The following CHIC1 variants were observed in gnomAD, a reference collection of about 807,000 sequenced individuals.
The protein encoded by CHIC1 is cysteine-rich hydrophobic domain-containing protein 1.
In CHIC1, 7 loss-of-function variants were observed where a neutral mutation model predicts 18.5. That is an observed-to-expected ratio of 0.38 (90% CI 0.22 to 0.71). CHIC1 has a LOEUF of 0.71. Ranked by LOEUF, CHIC1 falls within the 30% of genes least tolerant of loss-of-function variation. CHIC1 has a pLI of 0.49. For missense variants in CHIC1, 159 were observed against 176.9 expected (o/e 0.90, Z 0.57); for synonymous variants, 77 against 73.5 (o/e 1.05, Z -0.25).
At chrX:73,583,836 G>GA (rs2057539187) in intron 2 of CHIC1, among the ~76,000 whole-genome samples, 1 of 111,253 alleles carries the variant, frequency 9.0e-6, no homozygotes, top group African/African-American at 3.3e-5. Context: ...ATTTTATACT[G>GA]AATATTAACA....
At chrX:73,571,029 C>G (rs1439663495) in intron 1 of CHIC1, among the ~76,000 whole-genome samples, 3 of 110,770 alleles carry the variant, frequency 2.7e-5, no homozygotes, top group Non-Finnish European at 5.7e-5. Flanking sequence ...TTCAAAATTT[C>G]TTAAGAAAGG....
chrX:73,679,571 G>A, intron 4 of CHIC1, 83 bp from the exon 5 acceptor site: 2 of 666,273 alleles, frequency 3.0e-6, no homozygotes, highest in Non-Finnish European at 4.4e-6. Flanking sequence ...TTCCTGGATT[G>A]TTTTCAGTGA....
At chrX:73,638,265 T>TCC (rs2057839653) in intron 3 of CHIC1, among the ~76,000 whole-genome samples, 1 of 111,767 alleles carries the variant, frequency 8.9e-6, no homozygotes, top group Non-Finnish European at 1.9e-5. Flanking sequence ...CTCTGCAGTG[T>TCC]TTATCAGGAG....
chrX:73,628,973 A>G (rs1266155026), intron 3 of CHIC1, among the ~76,000 whole-genome samples: 1 of 110,519 alleles, frequency 9.0e-6, no homozygotes, highest in African/African-American at 3.3e-5. Context: ...TCTTTACTAT[A>G]TTTCCTTGCC....
intron 3 of CHIC1, among the ~76,000 whole-genome samples, chrX:73,672,485 A>C (rs763664311): frequency 1.3e-4 from 15 of 112,165 alleles, no homozygotes; most frequent in Non-Finnish European, 2.4e-4. Context: ...ATAGCATCTC[A>C]TTGTGGTTTT....
intron 3 of CHIC1, among the ~76,000 whole-genome samples, chrX:73,671,850 A>C (rs1275211806): frequency 2.7e-5 from 3 of 109,124 alleles, no homozygotes; most frequent in Admixed American, 9.9e-5. Flanking sequence ...TACATGTGCC[A>C]TGTTGGTGTG....
chrX:73,671,885 C>T (rs1424325611), intron 3 of CHIC1, among the ~76,000 whole-genome samples: 1 of 109,994 alleles, frequency 9.1e-6, no homozygotes, highest in Non-Finnish European at 1.9e-5. Flanking sequence ...TCATCATTTA[C>T]CTTTAGGTAT....
intron 5 of CHIC1, 74 bp downstream of exon 5, chrX:73,679,787 C>T: frequency 7.5e-6 from 4 of 536,847 alleles, no homozygotes; most frequent in South Asian, 7.2e-5. Flanking sequence ...TATCATTTGT[C>T]AACTATTCCT....
At chrX:73,666,572 T>A (rs530635109) in intron 3 of CHIC1, among the ~76,000 whole-genome samples, 2 of 112,172 alleles carry the variant, frequency 1.8e-5, no homozygotes, top group South Asian at 7.4e-4. Context: ...AATGTTAACC[T>A]CTTTTGGCAA....
rs1422585566 is a variant in CHIC1 at position 73,684,268 on chromosome X, A to AT, written c.*3265dup. The AT allele has an allele frequency of 9.0e-6, 1 of 111,104 alleles. No homozygotes were observed. The highest frequency in any genetic ancestry group is 1.9e-5 in the Non-Finnish European group (1 of 52,726). The allele number at this position is 111,104 out of a possible 1,213,427, so 9.2% of individuals were successfully genotyped here. A position where few individuals can be genotyped will look rare whatever the true frequency, so the allele number is the denominator to read the frequency against. ...AGTTCTGGAAGGACAGTTGTCTTTG[A>AT]TTAAAGCCCCACCAAAACCCATTTA... On this transcript the variant is annotated 3_prime_UTR_variant, in exon 6 of 6. Coordinates refer to ENST00000373502, the MANE Select transcript of CHIC1 (RefSeq NM_001039840.4).
chrX:73,564,849 T>C lies in CHIC1; in HGVS notation c.296+1269T>C, dbSNP rs767637347. On this transcript the variant is annotated intron_variant, in intron 1 of 5. Coordinates refer to ENST00000373502, the MANE Select transcript of CHIC1 (RefSeq NM_001039840.4). ...TCTCACTCTTTTGCCCAGGCTGGAG[T>C]GCAGTGGCGCAATCTTGGCTCACTG... is the stretch of plus-strand genomic sequence containing the variant. 2.0e-3 allele frequency among the ~76,000 whole-genome samples: 189 copies of C among 94,762 alleles called. 2 individuals carry two copies. Among genetic ancestry groups the C allele is most frequent in the Non-Finnish European group, 3.5e-3 (171 of 49,280 alleles). 82.3% of individuals were successfully genotyped at this position (94,762 alleles called of 115,157 possible). A position where few individuals can be genotyped will look rare whatever the true frequency, so the allele number is the denominator to read the frequency against.
intron 3 of CHIC1, among the ~76,000 whole-genome samples, chrX:73,607,822 C>T (rs2057690144): frequency 1.9e-5 from 2 of 107,965 alleles, no homozygotes; most frequent in Admixed American, 1.9e-4. Context: ...GCTGCACCCA[C>T]TGTCTAACCA....
intron 1 of CHIC1, among the ~76,000 whole-genome samples, chrX:73,571,534 C>T (rs1490521698): frequency 1.8e-5 from 2 of 111,149 alleles, no homozygotes; most frequent in Non-Finnish European, 3.8e-5. Context: ...ATATCAATTT[C>T]TCAAGAAGCA....
At chrX:73,646,867 T>C (rs1230780314) in intron 3 of CHIC1, among the ~76,000 whole-genome samples, 2 of 110,115 alleles carry the variant, frequency 1.8e-5, no homozygotes, top group South Asian at 3.6e-4. Flanking sequence ...CCATAAAATC[T>C]TTGACCCAGA....
intron 3 of CHIC1, among the ~76,000 whole-genome samples, chrX:73,674,603 A>G (rs1327300092): frequency 2.7e-5 from 3 of 110,406 alleles, no homozygotes; most frequent in African/African-American, 6.6e-5. Flanking sequence ...TTTTTATTGC[A>G]TCTGTTTGAT....
At chrX:73,576,267 C>A (rs59732497) in intron 1 of CHIC1, among the ~76,000 whole-genome samples, 2 of 110,135 alleles carry the variant, frequency 1.8e-5, no homozygotes, top group Admixed American at 1.9e-4. Context: ...AAGCCAGTAA[C>A]GGTCATTTGT....
intron 3 of CHIC1, among the ~76,000 whole-genome samples, chrX:73,606,493 C>G (rs1286887897): frequency 8.4e-5 from 9 of 107,435 alleles, no homozygotes; most frequent in Non-Finnish European, 3.8e-5. Flanking sequence ...GTCACTTCGC[C>G]AAACTTCTTC....
At chrX:73,594,064 A>T (rs1359715728) in intron 3 of CHIC1, among the ~76,000 whole-genome samples, 1 of 109,750 alleles carries the variant, frequency 9.1e-6, no homozygotes, top group Non-Finnish European at 1.9e-5. Flanking sequence ...TATTATTTGG[A>T]TGGGACTTTT....
At chrX:73,599,748 G>A (rs1391949209) in intron 3 of CHIC1, among the ~76,000 whole-genome samples, 3 of 107,609 alleles carry the variant, frequency 2.8e-5, no homozygotes, top group Non-Finnish European at 5.7e-5. Context: ...TTATAGTATA[G>A]TTAGAAGTCA....
Sources: gnomAD v4.1 joint callset for allele counts (sites outside exome capture counted in the v4.1 genomes callset) on GRCh38, gnomAD v4.1.1 for gene constraint, MANE v1.5 for transcripts, NCBI Gene and HGNC (gene_info 2026-07-23, HGNC 2026-07-21) for gene names.